The following NTRK3 variants were observed in gnomAD, a reference collection of about 807,000 sequenced individuals.
NTRK3 encodes the protein NT-3 growth factor receptor.
A neutral mutation model predicts 91.7 loss-of-function variants in NTRK3; 24 were observed. The ratio of observed to expected loss-of-function variants is 0.26; its 90% CI spans 0.19 to 0.37. NTRK3 has a LOEUF of 0.37. Ranked by LOEUF, NTRK3 falls within the 10% of genes least tolerant of loss-of-function variation. NTRK3 has a pLI of 1.00. For missense variants in NTRK3, 880 were observed against 1,068.9 expected, an observed-to-expected ratio of 0.82 and a Z score of 2.46; for synonymous variants, 483 against 404.0, an observed-to-expected ratio of 1.20 and a Z score of -2.34.
chr15:88,148,529 T>A (rs1426616853), intron 5 of NTRK3, among the ~76,000 whole-genome samples: 1 of 152,100 alleles, frequency 6.6e-6, no homozygotes, highest in Non-Finnish European at 1.5e-5. Flanking sequence ...GAGGAGTGTT[T>A]CAGGCAGTGA....
intron 14 of NTRK3, among the ~76,000 whole-genome samples, chr15:88,025,372 G>A (rs1331293094): frequency 6.6e-6 from 1 of 152,184 alleles, no homozygotes; most frequent in Non-Finnish European, 1.5e-5. Flanking sequence ...GAAGTTGTCT[G>A]TTACAGGTTA....
chr15:87,988,923 T>C (rs1030560010), intron 14 of NTRK3, among the ~76,000 whole-genome samples: 2 of 152,166 alleles, frequency 1.3e-5, no homozygotes, highest in African/African-American at 4.8e-5. Context: ...CTTTTTTTTA[T>C]TTTTATTTTT....
At chr15:88,111,820 C>A (rs1462516888) in intron 13 of NTRK3, among the ~76,000 whole-genome samples, 1 of 151,728 alleles carries the variant, frequency 6.6e-6, no homozygotes, top group Non-Finnish European at 1.5e-5. Context: ...TGGATGGTAA[C>A]AATGATACAA....
intron 13 of NTRK3, among the ~76,000 whole-genome samples, chr15:88,095,117 A>G (rs570475345): frequency 7.2e-5 from 11 of 152,352 alleles, no homozygotes; most frequent in East Asian, 3.9e-4. Context: ...ATGACATTCA[A>G]TCACTGCAAG....
At chr15:87,863,720 C>T (rs2064585872) in exon 19 of NTRK3, 3 of 227,806 alleles carry the variant, frequency 1.3e-5, no homozygotes, top group African/African-American at 2.2e-5. Context: ...CTACAGTCCC[C>T]ACCTACTGAT....
chr15:87,984,303 G>C (rs1254486164), intron 14 of NTRK3, among the ~76,000 whole-genome samples: 1 of 152,206 alleles, frequency 6.6e-6, no homozygotes, highest in Non-Finnish European at 1.5e-5. Flanking sequence ...ATTCCTCATA[G>C]ACACATGTCT....
At chr15:87,863,524 C>CTTTTTTTTT (rs36088298) in exon 19 of NTRK3, 1 of 187,888 alleles carries the variant, frequency 5.3e-6, no homozygotes, top group Non-Finnish European at 1.1e-5. Flanking sequence ...TTCCAAAAGT[C>CTTTTTTTTT]TTTTTTTTTT....
chr15:87,984,816 C>T (rs79761745), intron 14 of NTRK3, among the ~76,000 whole-genome samples: 1,574 of 152,224 alleles, frequency 0.01, 24 homozygotes, highest in African/African-American at 0.036. Context: ...TAACCCACTG[C>T]GGTAGCCACT....
intron 5 of NTRK3, among the ~76,000 whole-genome samples, chr15:88,179,435 C>T (rs996077403): frequency 2.6e-5 from 4 of 152,190 alleles, no homozygotes; most frequent in Non-Finnish European, 4.4e-5. Flanking sequence ...AAGCCACCTA[C>T]CATACCCCTG....
intron 5 of NTRK3, among the ~76,000 whole-genome samples, chr15:88,178,447 A>G (rs998775948): frequency 6.6e-6 from 1 of 152,154 alleles, no homozygotes; most frequent in Non-Finnish European, 1.5e-5. Flanking sequence ...TGCAAACATA[A>G]CACAGTTGAT....
At chr15:88,173,114 AAG>A (rs2045674171) in intron 5 of NTRK3, among the ~76,000 whole-genome samples, 1 of 152,238 alleles carries the variant, frequency 6.6e-6, no homozygotes, top group Admixed American at 6.5e-5. Flanking sequence ...ATCCATTTAA[AAG>A]AGGACAATAA....
intron 3 of NTRK3, among the ~76,000 whole-genome samples, chr15:88,205,125 G>T (rs142518908): frequency 2.1e-4 from 32 of 152,270 alleles, no homozygotes; most frequent in Non-Finnish European, 3.7e-4. Context: ...CATAAAAAGT[G>T]ATTTTCTCCC....
At chr15:88,221,630 A>T (rs562206801) in intron 3 of NTRK3, among the ~76,000 whole-genome samples, 64 of 152,290 alleles carry the variant, frequency 4.2e-4, no homozygotes, top group African/African-American at 1.5e-3. Context: ...ATCTCTATTT[A>T]AAAAAATAAA....
rs567300500 is a variant in NTRK3 at position 87,958,390 on chromosome 15, C to T, written c.1586-17637G>A. ...TTTCATCTGAAGGATGCTCAGATATCATCTGACTTGTGAAATCCAGCATCG... is the reference window on the plus strand; with the variant it reads ...TTTCATCTGAAGGATGCTCAGATATTATCTGACTTGTGAAATCCAGCATCG... On this transcript the variant is annotated intron_variant, in intron 14 of 18. Transcript: ENST00000394480. 3.3e-5 allele frequency among the ~76,000 whole-genome samples: 5 copies of T among 152,252 alleles called. 1 individual carries two copies. In the South Asian group the frequency reaches 1.0e-3, roughly 32 times the overall value.
At chr15:88,097,906 C>T (rs545291593) in intron 13 of NTRK3, among the ~76,000 whole-genome samples, 2 of 152,242 alleles carry the variant, frequency 1.3e-5, no homozygotes, top group South Asian at 4.1e-4. Context: ...TCTCTATTTC[C>T]CAAGTTAGTT....
chr15:88,255,949 C>A lies in NTRK3; in HGVS notation c.205G>T (p.Ala69Ser). The change falls in exon 3 of 19, where the codon GCC (alanine) becomes TCC (serine). Residue 69 changes from alanine to serine, a missense_variant. Ala to Ser is a moderately conservative substitution (Grantham distance 99). Transcript: ENST00000394480. This position sits in a 1 kb window ranked among gnomAD's most constrained non-coding sequence, Gnocchi z 4.3. ...GAGATGTCCGTGATGTTGATACTGGCGTTCCCATTGCTGTTCCCTGAATCC... is the reference window on the plus strand; with the variant it reads ...GAGATGTCCGTGATGTTGATACTGGAGTTCCCATTGCTGTTCCCTGAATCC... The A allele has an allele frequency of 6.2e-7, 1 of 1,613,340 alleles. No individual in the cohort carries two copies. Among genetic ancestry groups the A allele is most frequent in the Non-Finnish European group, 8.5e-7 (1 of 1,179,614 alleles).
chr15:88,118,793 C>A (rs2052386075), intron 13 of NTRK3, among the ~76,000 whole-genome samples: 2 of 152,158 alleles, frequency 1.3e-5, no homozygotes, highest in Admixed American at 1.3e-4. Context: ...ACAAGAGGTG[C>A]AGAATGTCTA....
At chr15:88,157,834 C>G (rs2151407028) in intron 5 of NTRK3, among the ~76,000 whole-genome samples, 1 of 152,258 alleles carries the variant, frequency 6.6e-6, no homozygotes, top group Non-Finnish European at 1.5e-5. Context: ...AGAGGTTAAG[C>G]CAGTTCCCAA....
intron 3 of NTRK3, among the ~76,000 whole-genome samples, chr15:88,187,471 GA>G (rs1302832403): frequency 6.6e-6 from 1 of 152,178 alleles, no homozygotes; most frequent in Non-Finnish European, 1.5e-5. Context: ...CTACTAGGGA[GA>G]CCACCACTTT....
Sources: gnomAD v4.1 joint callset for allele counts (sites outside exome capture counted in the v4.1 genomes callset) on GRCh38, gnomAD v4.1.1 for gene constraint, Gnocchi (gnomAD v3.1) non-coding constraint, MANE v1.5 for transcripts, NCBI Gene and HGNC (gene_info 2026-07-23, HGNC 2026-07-21) for gene names.